CHRM5: variants seen among roughly 807,000 people sequenced by gnomAD.
CHRM5 encodes muscarinic acetylcholine receptor M5.
A neutral mutation model predicts 39.0 loss-of-function variants in CHRM5; 18 were observed. That is an observed-to-expected ratio of 0.46 (90% confidence interval 0.32 to 0.68). The LOEUF is 0.68. CHRM5 is among the 30% of genes least tolerant of loss of function. The pLI is 0.04. For synonymous variants in CHRM5, 241 were observed against 246.3 expected, an observed-to-expected ratio of 0.98 and a Z score of 0.20; for missense variants, 515 against 651.1, an observed-to-expected ratio of 0.79 and a Z score of 2.28.
At chr15:34,048,155 C>T (rs1370383601) in intron 2 of CHRM5, among the ~76,000 whole-genome samples, 3 of 152,362 alleles carry the variant, frequency 2.0e-5, no homozygotes, top group Non-Finnish European at 2.9e-5. Flanking sequence ...GGATTACAGG[C>T]GTAAGCCACC....
intron 1 of CHRM5, among the ~76,000 whole-genome samples, chr15:34,028,724 G>A (rs115653437): frequency 0.02 from 3,082 of 152,194 alleles, 100 homozygotes; most frequent in African/African-American, 0.071. Context: ...TTTCACAGGC[G>A]AGGAAACTGA....
intron 2 of CHRM5, among the ~76,000 whole-genome samples, chr15:34,052,666 T>A (rs1899969584): frequency 6.6e-6 from 1 of 152,328 alleles, no homozygotes; most frequent in South Asian, 2.1e-4. Context: ...GCAAAATCAA[T>A]GTGCAAAAAT....
At chr15:34,000,238 T>C (rs2140613563) in intron 1 of CHRM5, among the ~76,000 whole-genome samples, 1 of 152,358 alleles carries the variant, frequency 6.6e-6, no homozygotes, top group African/African-American at 2.4e-5. Flanking sequence ...TAACATTTTA[T>C]ATACTCTTCT....
chr15:33,978,433 G>A (rs1484166914), intron 1 of CHRM5, among the ~76,000 whole-genome samples: 1 of 152,220 alleles, frequency 6.6e-6, no homozygotes, highest in Non-Finnish European at 1.5e-5. Flanking sequence ...GGAGCCCGAG[G>A]TGGGAGGATC....
intron 1 of CHRM5, among the ~76,000 whole-genome samples, chr15:34,046,313 GAA>G (rs1899677843): frequency 1.6e-5 from 2 of 128,090 alleles, no homozygotes; most frequent in Admixed American, 8.6e-5. Context: ...TAGGAATCAG[GAA>G]AAGTTATTCT....
intron 1 of CHRM5, among the ~76,000 whole-genome samples, chr15:34,019,392 A>G (rs1332520954): frequency 1.3e-5 from 2 of 152,242 alleles, no homozygotes; most frequent in African/African-American, 4.8e-5. Flanking sequence ...AAAATATTTA[A>G]AAGTTTATAA....
intron 1 of CHRM5, among the ~76,000 whole-genome samples, chr15:34,029,683 G>T (rs916412476): frequency 1.3e-5 from 2 of 152,192 alleles, no homozygotes; most frequent in African/African-American, 4.8e-5. Flanking sequence ...AGGAAGCCAA[G>T]CTTTGTCTTC....
Position 34,063,501 on chromosome 15 carries a change from G to A in CHRM5, c.784G>A (p.Ala262Thr). Residue 262 changes from alanine (A) to threonine (T), a missense_variant, in exon 3 of 3, where the codon GCC becomes ACC. By Grantham distance (58) the Ala-to-Thr change is moderately conservative. Transcript: ENST00000383263. This position sits in a 1 kb window ranked among gnomAD's most constrained non-coding sequence, Gnocchi z 4.1. ...SCLRCPRPTL[A>T]QRERNQASWS... ...CTTGCGCTGTCCTCGACCCACCCTG[G>A]CCCAGCGGGAAAGGAACCAGGCCTC... The A allele has an allele frequency of 6.2e-7, 1 of 1,613,716 alleles. No homozygotes were observed. The highest frequency in any genetic ancestry group is 8.5e-7 in the Non-Finnish European group (1 of 1,180,024).
chr15:33,988,590 T>C (rs1896581928), intron 1 of CHRM5, among the ~76,000 whole-genome samples: 1 of 152,172 alleles, frequency 6.6e-6, no homozygotes, highest in Non-Finnish European at 1.5e-5. Flanking sequence ...TCACCTGTGG[T>C]TGCAGGGTCA....
chr15:34,051,715 TATG>T (rs1899930197), intron 2 of CHRM5, among the ~76,000 whole-genome samples: 2 of 152,110 alleles, frequency 1.3e-5, no homozygotes, highest in South Asian at 4.1e-4. Flanking sequence ...TAAACACTTC[TATG>T]CACGTAAACT....
intron 1 of CHRM5, among the ~76,000 whole-genome samples, chr15:34,025,222 A>C (rs1234710504): frequency 6.6e-6 from 1 of 152,188 alleles, no homozygotes; most frequent in Non-Finnish European, 1.5e-5. Context: ...AAGATTCTGA[A>C]ATATGAAGTG....
chr15:34,056,334 C>CTACT (rs1264460958), intron 2 of CHRM5, among the ~76,000 whole-genome samples: 19 of 152,248 alleles, frequency 1.2e-4, no homozygotes, highest in African/African-American at 4.6e-4. Flanking sequence ...ATTAGAACTC[C>CTACT]TACTCCATAC....
chr15:33,980,639 GGAGT>G (rs200039405), intron 1 of CHRM5, among the ~76,000 whole-genome samples: 319 of 151,760 alleles, frequency 2.1e-3, no homozygotes, highest in African/African-American at 7.2e-3. Context: ...GAAAGAAAAG[GGAGT>G]GACACACAGA....
At position 34,045,829 on chromosome 15, in the gene CHRM5, T is replaced by C. The variant is rs142399898; in HGVS notation, c.-407-711T>C. On this transcript the variant is annotated intron_variant, in intron 1 of 2. Transcript: ENST00000383263. Reference sequence around the variant, plus strand: ...ACAGGGTTACCTTCTTTGATTTTTATGTTGCTTTGCTTCATTTGTAATGTA... The same window carrying C: ...ACAGGGTTACCTTCTTTGATTTTTACGTTGCTTTGCTTCATTTGTAATGTA... Among the ~76,000 whole-genome samples the C allele has an allele frequency of 4.6e-5, 7 of 152,372 alleles. No individual in the cohort carries two copies. The East Asian group carries it at 1.2e-3, about 25-fold the overall frequency.
At chr15:34,053,538 A>G (rs1487986458) in intron 2 of CHRM5, among the ~76,000 whole-genome samples, 1 of 151,854 alleles carries the variant, frequency 6.6e-6, no homozygotes, top group Non-Finnish European at 1.5e-5. Flanking sequence ...ATCTACAAAC[A>G]TCTGATCTTT....
At chr15:34,035,609 TC>T (rs1899077847) in intron 1 of CHRM5, among the ~76,000 whole-genome samples, 1 of 152,142 alleles carries the variant, frequency 6.6e-6, no homozygotes, top group African/African-American at 2.4e-5. Context: ...CTCAGCTGTC[TC>T]ATCTTATATT....
chr15:34,009,128 A>G (rs935277964), intron 1 of CHRM5, among the ~76,000 whole-genome samples: 5 of 152,176 alleles, frequency 3.3e-5, no homozygotes, highest in African/African-American at 1.2e-4. Flanking sequence ...AGGAAAAAAA[A>G]TAAACTGTCA....
At chr15:34,017,303 A>G (rs1044232654) in intron 1 of CHRM5, among the ~76,000 whole-genome samples, 2 of 152,142 alleles carry the variant, frequency 1.3e-5, no homozygotes, top group Non-Finnish European at 2.9e-5. Flanking sequence ...CATTTTAAAC[A>G]GCATGGAGAT....
chr15:33,981,258 T>C (rs1896130950), intron 1 of CHRM5, among the ~76,000 whole-genome samples: 1 of 152,224 alleles, frequency 6.6e-6, no homozygotes, highest in Non-Finnish European at 1.5e-5. Context: ...CATGCACAGT[T>C]TATAACACAT....
Sources: gnomAD v4.1 joint callset for allele counts (sites outside exome capture counted in the v4.1 genomes callset) on GRCh38, gnomAD v4.1.1 for gene constraint, Gnocchi (gnomAD v3.1) non-coding constraint, MANE v1.5 for transcripts, NCBI Gene and HGNC (gene_info 2026-07-23, HGNC 2026-07-21) for gene names.